Variants in SEMA3D observed in about 807,000 individuals in gnomAD.
The protein encoded by SEMA3D is semaphorin-3D.
In SEMA3D, 84 loss-of-function variants were observed where a neutral mutation model predicts 100.1. The ratio of observed to expected loss-of-function variants is 0.84; its 90% CI spans 0.70 to 1.01. SEMA3D has a LOEUF of 1.01. SEMA3D is among the 50% of genes least tolerant of loss of function. The probability of loss-of-function intolerance (pLI) is 0.00; values close to 1 mark genes in which losing one functional copy is unlikely to be tolerated. For missense variants in SEMA3D, 875 were observed against 934.1 expected, an observed-to-expected ratio of 0.94 and a Z score of 0.82; for synonymous variants, 312 against 320.7, an observed-to-expected ratio of 0.97 and a Z score of 0.29.
chr7:85,036,268 G>GT (rs1457234592), intron 12 of SEMA3D, among the ~76,000 whole-genome samples: 1 of 151,954 alleles, frequency 6.6e-6, no homozygotes, highest in Non-Finnish European at 1.5e-5. Context: ...AACTGCAGTT[G>GT]TTTTTTGTTT....
At chr7:85,165,404 G>A (rs1790877583) in intron 1 of SEMA3D, among the ~76,000 whole-genome samples, 1 of 151,968 alleles carries the variant, frequency 6.6e-6, no homozygotes, top group Non-Finnish European at 1.5e-5. Flanking sequence ...CATAAGATAC[G>A]ACGTGAGAAA....
the SEMA3D span, among the ~76,000 whole-genome samples, chr7:85,231,601 C>CAA: frequency 1.3e-5 from 2 of 152,160 alleles, no homozygotes; most frequent in South Asian, 4.1e-4. Context: ...CAGGCGTCTG[C>CAA]CACCACACCC....
At chr7:85,107,572 A>C (rs1338430078) in intron 3 of SEMA3D, among the ~76,000 whole-genome samples, 1 of 152,020 alleles carries the variant, frequency 6.6e-6, no homozygotes, top group African/African-American at 2.4e-5. Flanking sequence ...CAAGTGTTGC[A>C]GTTTAGAATT....
chr7:85,102,910 G>GA (rs1788793844), intron 3 of SEMA3D, among the ~76,000 whole-genome samples: 1 of 151,992 alleles, frequency 6.6e-6, no homozygotes, highest in African/African-American at 2.4e-5. Context: ...AAAAACAGCT[G>GA]AAAAAACAGT....
intron 5 of SEMA3D, among the ~76,000 whole-genome samples, chr7:85,075,952 T>C (rs937453527): frequency 6.6e-6 from 1 of 152,240 alleles, no homozygotes; most frequent in Non-Finnish European, 1.5e-5. Context: ...CAAAGATTTG[T>C]TTAAATAGCA....
intron 1 of SEMA3D, among the ~76,000 whole-genome samples, chr7:85,168,926 G>T (rs926827261): frequency 6.6e-6 from 1 of 151,440 alleles, no homozygotes; most frequent in Non-Finnish European, 1.5e-5. Context: ...AAGTGTTGGG[G>T]CAGGGGAAGG....
intron 12 of SEMA3D, among the ~76,000 whole-genome samples, chr7:85,034,311 A>G (rs762368916): frequency 2.9e-4 from 44 of 152,252 alleles, no homozygotes; most frequent in Middle Eastern, 6.8e-3. Flanking sequence ...TTAAAAAAGC[A>G]TTAGAATGAC....
At chr7:85,189,654 G>C (rs767276965), upstream of SEMA3D, among the ~76,000 whole-genome samples, 1 of 151,866 alleles carries the variant, frequency 6.6e-6, no homozygotes, top group Non-Finnish European at 1.5e-5. Flanking sequence ...AGTCCAAGGG[G>C]AAAAATACAA....
intron 12 of SEMA3D, among the ~76,000 whole-genome samples, chr7:85,030,226 A>T (rs1191303949): frequency 6.6e-6 from 1 of 151,532 alleles, no homozygotes; most frequent in African/African-American, 2.4e-5. Context: ...CTACCTAGAT[A>T]AAAAAAAGTA....
At chr7:85,167,655 A>G (rs1175246451) in intron 1 of SEMA3D, among the ~76,000 whole-genome samples, 1 of 151,888 alleles carries the variant, frequency 6.6e-6, no homozygotes, top group East Asian at 1.9e-4. Flanking sequence ...CCCAGTTTAA[A>G]AAAAATACAT....
At chr7:85,117,808 G>GTATGTATGTATC (rs1341863060) in intron 3 of SEMA3D, among the ~76,000 whole-genome samples, 2 of 120,672 alleles carry the variant, frequency 1.7e-5, no homozygotes, top group African/African-American at 7.1e-5. Context: ...ATGTATGTAT[G>GTATGTATGTATC]TATCTATCTA....
At chr7:85,072,809 T>A (rs553128924) in intron 6 of SEMA3D, among the ~76,000 whole-genome samples, 153 bp downstream of exon 6, 2 of 152,304 alleles carry the variant, frequency 1.3e-5, no homozygotes, top group East Asian at 3.9e-4. Context: ...TCTGACTTCA[T>A]CCTCCTGAGT....
intron 3 of SEMA3D, among the ~76,000 whole-genome samples, chr7:85,117,763 AGTAT>A (rs35480171): frequency 0.5 from 73,176 of 145,604 alleles, 19,039 homozygotes; most frequent in Non-Finnish European, 0.58. Flanking sequence ...ACAGAGCAAG[AGTAT>A]GTATGTATGT....
At chr7:85,092,861 T>C (rs1023599221) in intron 4 of SEMA3D, among the ~76,000 whole-genome samples, 29 of 152,172 alleles carry the variant, frequency 1.9e-4, no homozygotes, top group African/African-American at 5.5e-4. Flanking sequence ...GAGAAAACTT[T>C]TGCAGAGGCA....
chr7:85,081,040 CT>C (rs1358299406), intron 5 of SEMA3D, among the ~76,000 whole-genome samples: 3 of 152,072 alleles, frequency 2.0e-5, no homozygotes, highest in South Asian at 2.1e-4. Context: ...TCTTATTGTT[CT>C]TTCCATTATG....
chr7:85,120,315 G>A (rs145732186), intron 3 of SEMA3D, among the ~76,000 whole-genome samples: 4 of 152,144 alleles, frequency 2.6e-5, no homozygotes, highest in African/African-American at 9.6e-5. Flanking sequence ...TTAGGGGAAT[G>A]ACAGAAAATT....
chr7:85,186,430 G>A (rs1439194794), intron 1 of SEMA3D, among the ~76,000 whole-genome samples: 4 of 152,182 alleles, frequency 2.6e-5, no homozygotes, highest in Non-Finnish European at 5.9e-5. Context: ...AGCTGCTGAG[G>A]CGGGGTGGGA....
chr7:85,093,096 TTA>T (rs551553653), intron 4 of SEMA3D, among the ~76,000 whole-genome samples: 102 of 152,168 alleles, frequency 6.7e-4, no homozygotes, highest in African/African-American at 2.3e-3. Context: ...GAGAAAACTT[TTA>T]TGTTTCCCTT....
the SEMA3D span, among the ~76,000 whole-genome samples, chr7:85,241,949 G>A: frequency 6.6e-6 from 1 of 151,978 alleles, no homozygotes; most frequent in Non-Finnish European, 1.5e-5. Flanking sequence ...AAAGGGAACC[G>A]CTGTACAGTG....
Sources: gnomAD v4.1 joint callset for allele counts (sites outside exome capture counted in the v4.1 genomes callset) on GRCh38, gnomAD v4.1.1 for gene constraint, MANE v1.5 for transcripts, NCBI Gene and HGNC (gene_info 2026-07-23, HGNC 2026-07-21) for gene names.